The following SLC4A10 variants were observed in gnomAD, a reference collection of about 807,000 sequenced individuals.
SLC4A10 encodes solute carrier family 4 member 10, also known as sodium-driven chloride bicarbonate exchanger.
SLC4A10 carries 42 observed loss-of-function variants against 137.7 expected under a neutral mutation model. The ratio of observed to expected loss-of-function variants is 0.30; its 90% CI spans 0.24 to 0.39. The LOEUF (loss-of-function observed/expected upper bound fraction) is 0.39, where lower values mean the gene tolerates loss of function less well. SLC4A10 is among the 10% of genes least tolerant of loss of function. SLC4A10 has a pLI of 1.00. For synonymous variants in SLC4A10, 474 were observed against 464.1 expected (o/e 1.02, Z -0.27); for missense variants, 925 against 1,355.0 (o/e 0.68, Z 4.98).
chr2:161,877,059 A>G (rs192350495), intron 8 of SLC4A10, among the ~76,000 whole-genome samples: 124 of 152,166 alleles, frequency 8.1e-4, no homozygotes, highest in African/African-American at 2.5e-3. Flanking sequence ...TAAAGATCAT[A>G]TGTAATGACC....
chr2:161,905,797 T>G lies in SLC4A10; in HGVS notation c.1907T>G (p.Phe636Cys). The G allele has an allele frequency of 6.2e-7, 1 of 1,614,004 alleles. No homozygotes were observed. The highest frequency in any genetic ancestry group is 8.5e-7 in the Non-Finnish European group (1 of 1,179,892). Residue 636 changes from phenylalanine to cysteine, a missense_variant, in exon 15 of 27, where the codon TTC (phenylalanine) becomes TGC (cysteine). By Grantham distance (205) the Phe-to-Cys change is radical (BLOSUM62 -2). Around this residue, in one of 11 missense-constraint regions of SLC4A10, gnomAD observed 61 missense variants for 168.0 expected, o/e 0.36. Coordinates refer to ENST00000446997, the MANE Select transcript of SLC4A10 (RefSeq NM_001178015.2). ...EAFASLICII[F>C]IYEALEKLFE... Reference sequence around the variant, plus strand: ...TTTGCTTCCCTGATTTGCATCATTTTCATTTATGAGGCCCTGGAGAAGTTG... The same window carrying G: ...TTTGCTTCCCTGATTTGCATCATTTGCATTTATGAGGCCCTGGAGAAGTTG...
intron 1 of SLC4A10, among the ~76,000 whole-genome samples, chr2:161,726,376 T>C (rs188176484): frequency 1.0e-3 from 152 of 152,164 alleles, no homozygotes; most frequent in African/African-American, 3.3e-3. Flanking sequence ...TCTCCAGAAG[T>C]CCTGTTAAAA....
At chr2:161,770,276 CT>C (rs1479828218) in intron 1 of SLC4A10, among the ~76,000 whole-genome samples, 17 of 151,904 alleles carry the variant, frequency 1.1e-4, no homozygotes, top group Admixed American at 5.9e-4. Flanking sequence ...CTCAGCCCCC[CT>C]GCCATTATTT....
intron 11 of SLC4A10, among the ~76,000 whole-genome samples, chr2:161,897,302 C>T (rs1212126459): frequency 6.6e-6 from 1 of 152,118 alleles, no homozygotes; most frequent in Non-Finnish European, 1.5e-5. Context: ...ACTGCCACCT[C>T]TATGCCTACT....
chr2:161,726,961 G>C (rs960305300), intron 1 of SLC4A10, among the ~76,000 whole-genome samples: 1 of 152,148 alleles, frequency 6.6e-6, no homozygotes, highest in Non-Finnish European at 1.5e-5. Context: ...AAGAGTATTG[G>C]ATTAAAAGTT....
intron 1 of SLC4A10, among the ~76,000 whole-genome samples, chr2:161,687,577 A>G (rs764954259): frequency 6.6e-6 from 1 of 152,108 alleles, no homozygotes; most frequent in Non-Finnish European, 1.5e-5. Context: ...TCTCTATTCT[A>G]TATACTGTGT....
At chr2:161,654,996 G>C (rs530973264) in intron 1 of SLC4A10, among the ~76,000 whole-genome samples, 1 of 151,982 alleles carries the variant, frequency 6.6e-6, no homozygotes, top group African/African-American at 2.4e-5. Flanking sequence ...TTAAATCTTC[G>C]AATTCATGAA....
intron 1 of SLC4A10, among the ~76,000 whole-genome samples, chr2:161,762,584 A>T (rs2050366995): frequency 6.6e-6 from 1 of 152,100 alleles, no homozygotes; most frequent in African/African-American, 2.4e-5. Context: ...TCTAAATGTT[A>T]ATTTTCAATT....
chr2:161,786,388 A>G (rs2053626151), intron 2 of SLC4A10, among the ~76,000 whole-genome samples: 1 of 151,704 alleles, frequency 6.6e-6, no homozygotes, highest in Non-Finnish European at 1.5e-5. Context: ...GACAATCTAT[A>G]TCTTCATTTA....
chr2:161,814,190 G>A (rs988492985), intron 3 of SLC4A10, among the ~76,000 whole-genome samples: 2 of 151,900 alleles, frequency 1.3e-5, no homozygotes, highest in African/African-American at 2.4e-5. Context: ...TCAATATCAC[G>A]AATCATCAGA....
At chr2:161,921,307 C>A (rs1330796479) in intron 15 of SLC4A10, among the ~76,000 whole-genome samples, 2 of 152,094 alleles carry the variant, frequency 1.3e-5, no homozygotes, top group Non-Finnish European at 2.9e-5. Flanking sequence ...GTAGAATGGA[C>A]CTCTGGGGAC....
At position 161,804,538 on chromosome 2, in the gene SLC4A10, A is replaced by G; in HGVS notation, c.220A>G (p.Lys74Glu). The change falls in exon 3 of 27, where the codon AAG becomes GAG. Residue 74 changes from lysine (K) to glutamate (E), a missense_variant. Coordinates refer to ENST00000446997, the MANE Select transcript of SLC4A10 (RefSeq NM_001178015.2). Reference protein sequence around the residue: ...RHRHRGHKHRKRDRERDSGLE... With the variant: ...RHRHRGHKHRERDRERDSGLE... ...CAGGCATCGTGGTCATAAACACAGA[A>G]AGAGAGACAGAGAAAGAGATTCAGG... The G allele has an allele frequency of 6.2e-7, 1 of 1,613,168 alleles. No individual in the cohort carries two copies. The highest frequency in any genetic ancestry group is 8.5e-7 in the Non-Finnish European group (1 of 1,179,436).
intron 15 of SLC4A10, among the ~76,000 whole-genome samples, chr2:161,926,858 C>A (rs1322887413): frequency 6.7e-6 from 1 of 149,394 alleles, no homozygotes; most frequent in African/African-American, 2.5e-5. Flanking sequence ...GTTGAAAATT[C>A]TTTTCTTTAA....
chr2:161,968,668 CAAG>C (rs750219804), intron 23 of SLC4A10, among the ~76,000 whole-genome samples: 1 of 152,008 alleles, frequency 6.6e-6, no homozygotes, highest in Non-Finnish European at 1.5e-5. Context: ...ATAATACAGT[CAAG>C]AAATAATCTA....
intron 1 of SLC4A10, among the ~76,000 whole-genome samples, chr2:161,672,321 A>G (rs1462049232): frequency 6.6e-6 from 1 of 152,192 alleles, no homozygotes; most frequent in African/African-American, 2.4e-5. Flanking sequence ...AAATATCTAA[A>G]GAGTGACTTT....
At chr2:161,869,426 C>A (rs1335770601) in intron 6 of SLC4A10, among the ~76,000 whole-genome samples, 1 of 151,482 alleles carries the variant, frequency 6.6e-6, no homozygotes, top group East Asian at 1.9e-4. Flanking sequence ...ACAATGATTA[C>A]AATTGATAAT....
chr2:161,866,685 T>C (rs914438553), intron 6 of SLC4A10, among the ~76,000 whole-genome samples: 6 of 151,846 alleles, frequency 4.0e-5, no homozygotes, highest in African/African-American at 1.4e-4. Flanking sequence ...GTATCGAAAA[T>C]ATTAAAATAA....
chr2:161,895,660 C>G lies in SLC4A10; in HGVS notation c.1341+835C>G, dbSNP rs2063400062. On this transcript the variant is annotated intron_variant, in intron 11 of 26. Coordinates refer to ENST00000446997, the MANE Select transcript of SLC4A10 (RefSeq NM_001178015.2). ...TTTTTGATTTGCATTTCTCTGATGA[C>G]CAGTGATGATGAGCATTTTTTCATG... 2.6e-5 allele frequency among the ~76,000 whole-genome samples: 4 copies of G among 152,168 alleles called. No individual in the cohort carries two copies. The South Asian group carries it at 8.3e-4, about 32-fold the overall frequency.
chr2:161,838,159 TATAAC>T (rs1284456585), intron 3 of SLC4A10, among the ~76,000 whole-genome samples: 1 of 152,148 alleles, frequency 6.6e-6, no homozygotes, highest in Non-Finnish European at 1.5e-5. Flanking sequence ...TCCAAACAAA[TATAAC>T]TAATTGATTT....
Sources: allele counts gnomAD v4.1 joint callset (sites outside exome capture counted in the v4.1 genomes callset), GRCh38; gene constraint gnomAD v4.1.1; regional missense constraint gnomAD v4.1.1; transcripts MANE v1.5; gene names NCBI Gene and HGNC (gene_info 2026-07-23, HGNC 2026-07-21).